RBBP8: variants seen among roughly 807,000 people sequenced by gnomAD.
RBBP8 encodes DNA endonuclease RBBP8.
Under a neutral mutation model 108.3 loss-of-function variants are expected in RBBP8, and 88 were observed. The ratio of observed to expected loss-of-function variants is 0.81; its 90% CI spans 0.68 to 0.97. The LOEUF is 0.97. Ranked by LOEUF, RBBP8 falls within the 50% of genes least tolerant of loss-of-function variation. The pLI is 0.00. For synonymous variants in RBBP8, 332 were observed against 348.2 expected, an observed-to-expected ratio of 0.95 and a Z score of 0.52; for missense variants, 1,023 against 1,049.0, an observed-to-expected ratio of 0.98 and a Z score of 0.34.
At chr18:22,978,702 A>T (rs1914669042) in intron 6 of RBBP8, among the ~76,000 whole-genome samples, 1 of 152,220 alleles carries the variant, frequency 6.6e-6, no homozygotes, top group South Asian at 2.1e-4. Flanking sequence ...CCTTTCTCAT[A>T]TGACTTTAAC....
chr18:22,923,777 A>C (rs1478767638), intron 3 of RBBP8, among the ~76,000 whole-genome samples: 1 of 152,096 alleles, frequency 6.6e-6, no homozygotes, highest in Non-Finnish European at 1.5e-5. Context: ...ATAATTTAAG[A>C]CCCTTCAATC....
intron 17 of RBBP8, among the ~76,000 whole-genome samples, chr18:23,018,495 C>T (rs915851183): frequency 2.0e-5 from 3 of 152,218 alleles, no homozygotes; most frequent in African/African-American, 7.2e-5. Context: ...TCAGGACCTA[C>T]TGTGGATACC....
intron 14 of RBBP8, among the ~76,000 whole-genome samples, chr18:23,000,901 T>C (rs936669649): frequency 1.3e-5 from 2 of 152,212 alleles, no homozygotes; most frequent in African/African-American, 4.8e-5. Context: ...GAAGTGTCTT[T>C]AAACACTTCA....
intron 4 of RBBP8, among the ~76,000 whole-genome samples, chr18:22,953,435 T>A (rs1300983166): frequency 6.6e-6 from 1 of 152,202 alleles, no homozygotes; most frequent in Non-Finnish European, 1.5e-5. Context: ...ACACTCAAAT[T>A]TACTGGATAA....
chr18:22,957,398 T>C (rs1204238287), intron 4 of RBBP8, among the ~76,000 whole-genome samples: 1 of 151,630 alleles, frequency 6.6e-6, no homozygotes, highest in Non-Finnish European at 1.5e-5. Flanking sequence ...GAGCACATTG[T>C]AAGTAAACAG....
At chr18:22,985,992 C>A (rs931723700) in intron 8 of RBBP8, among the ~76,000 whole-genome samples, 2 of 151,678 alleles carry the variant, frequency 1.3e-5, no homozygotes, top group African/African-American at 4.9e-5. Context: ...ACATTTCCCC[C>A]CTCCCCCCAG....
chr18:22,948,439 T>G (rs1387278524), intron 3 of RBBP8, among the ~76,000 whole-genome samples: 2 of 152,154 alleles, frequency 1.3e-5, no homozygotes, highest in Non-Finnish European at 2.9e-5. Context: ...TTCAATGATA[T>G]ATTACTTTCT....
chr18:22,926,571 G>A (rs889227850), intron 3 of RBBP8, among the ~76,000 whole-genome samples: 7 of 152,076 alleles, frequency 4.6e-5, no homozygotes, highest in African/African-American at 1.2e-4. Flanking sequence ...TTCCTAAATC[G>A]GGCAAATTAT....
intron 16 of RBBP8, among the ~76,000 whole-genome samples, chr18:23,007,614 C>T (rs1456809785): frequency 1.4e-5 from 2 of 145,792 alleles, no homozygotes; most frequent in African/African-American, 5.0e-5. Flanking sequence ...AGGAGAATGG[C>T]GTGAACTCGG....
chr18:22,932,026 G>A (rs1361161927), upstream of RBBP8, among the ~76,000 whole-genome samples: 1 of 152,016 alleles, frequency 6.6e-6, no homozygotes, highest in Non-Finnish European at 1.5e-5. Context: ...AGAAGGGGAT[G>A]GATTTACATG....
upstream of RBBP8, chr18:22,929,313 C>G (rs1909904984): frequency 6.6e-6 from 1 of 151,622 alleles, no homozygotes; most frequent in Non-Finnish European, 1.5e-5. Context: ...AAGAACCTCT[C>G]AGACTGCTGT....
At chr18:22,918,886 T>C (rs991460853) in intron 3 of RBBP8, among the ~76,000 whole-genome samples, 22 of 152,174 alleles carry the variant, frequency 1.4e-4, no homozygotes, top group African/African-American at 5.3e-4. Context: ...TTCTATATGC[T>C]CTAAGGATTG....
chr18:22,981,405 G>T (rs1213182442), intron 6 of RBBP8, among the ~76,000 whole-genome samples: 1 of 152,136 alleles, frequency 6.6e-6, no homozygotes, highest in African/African-American at 2.4e-5. Context: ...GGTTAACAAT[G>T]TGTTATTGTT....
chr18:22,927,913 AAGC>A, intron 3 of RBBP8, among the ~76,000 whole-genome samples: 1 of 150,826 alleles, frequency 6.6e-6, no homozygotes, highest in Non-Finnish European at 1.5e-5. Flanking sequence ...AAAAAAAAAA[AAGC>A]AGGAAAACAG....
intron 4 of RBBP8, among the ~76,000 whole-genome samples, chr18:22,954,266 C>T (rs1405101159): frequency 1.3e-5 from 2 of 152,184 alleles, no homozygotes; most frequent in Non-Finnish European, 1.5e-5. Context: ...AAGTTCCTTC[C>T]GCCTGTGAGC....
chr18:22,986,100 T>G (rs894514740), intron 8 of RBBP8, among the ~76,000 whole-genome samples: 1 of 150,670 alleles, frequency 6.6e-6, no homozygotes, highest in African/African-American at 2.5e-5. Context: ...CATAGTAAGG[T>G]TTTTTTTGCT....
intron 6 of RBBP8, among the ~76,000 whole-genome samples, chr18:22,981,341 A>G (rs1457610266): frequency 6.6e-6 from 1 of 152,168 alleles, no homozygotes; most frequent in African/African-American, 2.4e-5. Flanking sequence ...AGATAAAAGC[A>G]GTAACAGAAA....
intron 2 of RBBP8, among the ~76,000 whole-genome samples, chr18:22,941,933 T>A (rs1375717142): frequency 1.3e-5 from 2 of 152,184 alleles, no homozygotes; most frequent in Non-Finnish European, 2.9e-5. Context: ...TAAGTACTAT[T>A]TTTTAAGTAG....
chr18:22,975,802 G>A (rs796377852), intron 6 of RBBP8, among the ~76,000 whole-genome samples: 3 of 152,040 alleles, frequency 2.0e-5, no homozygotes, highest in South Asian at 2.1e-4. Context: ...CTTGCCTGTC[G>A]TCTTACAGCT....
Sources: gnomAD v4.1 joint callset for allele counts (sites outside exome capture counted in the v4.1 genomes callset) on GRCh38, gnomAD v4.1.1 for gene constraint, MANE v1.5 for transcripts, NCBI Gene and HGNC (gene_info 2026-07-23, HGNC 2026-07-21) for gene names.